GLRA1: variants seen among roughly 807,000 people sequenced by gnomAD.
GLRA1 encodes the protein glycine receptor alpha 1, also known as glycine receptor subunit alpha-1.
A neutral mutation model predicts 48.3 loss-of-function variants in GLRA1; 37 were observed. That is an observed-to-expected ratio of 0.77 (90% CI 0.59 to 1.01). The LOEUF is 1.01. Ranked by LOEUF, GLRA1 falls within the 50% of genes least tolerant of loss-of-function variation. The pLI is 0.00. For missense variants in GLRA1, 427 were observed against 571.0 expected, an observed-to-expected ratio of 0.75 and a Z score of 2.57; for synonymous variants, 196 against 210.7, an observed-to-expected ratio of 0.93 and a Z score of 0.60.
At chr5:151,849,485 TTCC>T (rs1361753002) in intron 7 of GLRA1, among the ~76,000 whole-genome samples, 1 of 76,612 alleles carries the variant, frequency 1.3e-5, no homozygotes, top group East Asian at 4.0e-4. Context: ...CCTTCCTTCC[TTCC>T]TTCCTTTCTT....
intron 8 of GLRA1, among the ~76,000 whole-genome samples, chr5:151,827,046 T>TTTTTTTTG (rs1240708692): frequency 6.6e-6 from 1 of 150,666 alleles, no homozygotes; most frequent in Non-Finnish European, 1.5e-5. Context: ...TTTTTTTTTT[T>TTTTTTTTG]GAGACAAAGT....
intron 2 of GLRA1, among the ~76,000 whole-genome samples, chr5:151,887,940 G>T (rs1431474949): frequency 2.0e-5 from 3 of 152,196 alleles, no homozygotes; most frequent in Non-Finnish European, 4.4e-5. Context: ...ATAGGACTTG[G>T]ATAAATGGTC....
intron 1 of GLRA1, among the ~76,000 whole-genome samples, chr5:151,921,788 T>C (rs890789127): frequency 2.0e-5 from 3 of 152,240 alleles, no homozygotes; most frequent in Non-Finnish European, 4.4e-5. Flanking sequence ...TTTAGGTTAT[T>C]GACTCTCAGA....
intron 1 of GLRA1, among the ~76,000 whole-genome samples, chr5:151,898,209 C>T (rs1754270716): frequency 6.6e-6 from 1 of 151,782 alleles, no homozygotes; most frequent in South Asian, 2.1e-4. Context: ...CTATAATATT[C>T]CTTCTTTTTT....
At chr5:151,907,789 G>A (rs1755574830) in intron 1 of GLRA1, among the ~76,000 whole-genome samples, 1 of 152,226 alleles carries the variant, frequency 6.6e-6, no homozygotes, top group Non-Finnish European at 1.5e-5. Context: ...ATTAGGGAAG[G>A]GATGCTCAGA....
chr5:151,848,919 G>T, intron 7 of GLRA1: 1 of 697,934 alleles, frequency 1.4e-6, no homozygotes, highest in Non-Finnish European at 2.7e-6. Context: ...TTAAACAAAG[G>T]TATTAAGCAG....
intron 3 of GLRA1, among the ~76,000 whole-genome samples, chr5:151,860,824 C>A (rs986345625): frequency 2.0e-5 from 3 of 152,068 alleles, no homozygotes; most frequent in Non-Finnish European, 4.4e-5. Context: ...TGTGCTGCAC[C>A]CATTAACTCG....
chr5:151,833,817 C>CAAAAAAA (rs766149505), intron 7 of GLRA1, among the ~76,000 whole-genome samples: 13 of 79,164 alleles, frequency 1.6e-4, no homozygotes, highest in African/African-American at 3.1e-4. Flanking sequence ...AAAAAAAAAG[C>CAAAAAAA]AGGGGTTGCA....
At chr5:151,877,024 C>T (rs959607628) in intron 3 of GLRA1, among the ~76,000 whole-genome samples, 4 of 152,070 alleles carry the variant, frequency 2.6e-5, no homozygotes, top group East Asian at 1.9e-4. Flanking sequence ...GGAAAAGGGC[C>T]CTCACTAGAG....
At chr5:151,854,210 C>A (rs1174348359) in intron 6 of GLRA1, among the ~76,000 whole-genome samples, 2 of 152,190 alleles carry the variant, frequency 1.3e-5, no homozygotes, top group Admixed American at 1.3e-4. Flanking sequence ...GGTTCTGAAA[C>A]ATCTCTGAGG....
At chr5:151,848,424 T>TGG (rs1260899383) in intron 7 of GLRA1, among the ~76,000 whole-genome samples, 4 of 152,204 alleles carry the variant, frequency 2.6e-5, no homozygotes, top group African/African-American at 9.6e-5. Context: ...TGGAGTGCAG[T>TGG]GGCACCATCT....
intron 1 of GLRA1, among the ~76,000 whole-genome samples, chr5:151,902,480 T>A (rs1173219205): frequency 1.3e-5 from 2 of 152,138 alleles, no homozygotes; most frequent in African/African-American, 2.4e-5. Flanking sequence ...GAAAATACTA[T>A]CTGCCTTTAG....
chr5:151,837,692 C>T (rs943494226), intron 7 of GLRA1, among the ~76,000 whole-genome samples: 3 of 152,162 alleles, frequency 2.0e-5, no homozygotes, highest in Admixed American at 1.3e-4. Flanking sequence ...CCATTATTCT[C>T]GGCAAACTAA....
rs762986466 is a variant in GLRA1 at position 151,859,779 on chromosome 5, A to T, written c.476+6T>A. 7 of 1,591,838 alleles carry T rather than the reference A, an allele frequency of 4.4e-6. No individual in the cohort carries two copies. The highest frequency in any genetic ancestry group is 1.7e-4 in the Middle Eastern group (1 of 6,008). On this transcript the variant is annotated splice_donor_region_variant and intron_variant, in intron 4 of 8. Coordinates refer to ENST00000274576, the MANE Select transcript of GLRA1 (RefSeq NM_000171.4). The stretch of plus-strand genomic sequence containing the variant: ...CAGGGAGTGGGTGAACCTGGTCAGA[A>T]CTCACCTGATGCTGTAGAGGACATT...
At chr5:151,856,183 G>A (rs1014281066) in intron 5 of GLRA1, 118 bp downstream of exon 5, 2 of 707,572 alleles carry the variant, frequency 2.8e-6, no homozygotes, top group East Asian at 5.7e-5. Context: ...AATATTTTGG[G>A]TTATTACAGT....
intron 1 of GLRA1, among the ~76,000 whole-genome samples, chr5:151,903,791 G>T (rs1754416537): frequency 6.6e-6 from 1 of 152,120 alleles, no homozygotes; most frequent in Non-Finnish European, 1.5e-5. Flanking sequence ...TTCCATACAG[G>T]CTTTCTAATC....
In GLRA1 at chr5:151,850,429, G is replaced by A. The variant is rs1752869646; in HGVS notation, c.912+961C>T. On this transcript the variant is annotated intron_variant, in intron 7 of 8. Coordinates refer to ENST00000274576, the MANE Select transcript of GLRA1 (RefSeq NM_000171.4). Reference sequence around the variant, plus strand: ...CCTGGGAACAGGAAGTGTTCAGGCTGCCATACCAACTTCAGCACCAAGGCC... The same window carrying A: ...CCTGGGAACAGGAAGTGTTCAGGCTACCATACCAACTTCAGCACCAAGGCC... 5.1e-6 allele frequency: 6 copies of A among 1,175,970 alleles called. No homozygotes were observed. In the Admixed American group the frequency reaches 1.0e-4, roughly 20 times the overall value. The allele number at this position is 1,175,970 out of a possible 1,614,324, so 72.8% of individuals were successfully genotyped here.
At chr5:151,863,410 G>A (rs1753253591) in intron 3 of GLRA1, among the ~76,000 whole-genome samples, 1 of 152,124 alleles carries the variant, frequency 6.6e-6, no homozygotes, top group Non-Finnish European at 1.5e-5. Context: ...GTGACAGAGT[G>A]AGACCCTGTC....
At chr5:151,833,264 G>A (rs1198994521) in intron 7 of GLRA1, among the ~76,000 whole-genome samples, 2 of 152,094 alleles carry the variant, frequency 1.3e-5, no homozygotes, top group African/African-American at 4.8e-5. Context: ...TAACCAGCTA[G>A]CATCATAATG....
Sources: gnomAD v4.1 joint callset for allele counts (sites outside exome capture counted in the v4.1 genomes callset) on GRCh38, gnomAD v4.1.1 for gene constraint, MANE v1.5 for transcripts, NCBI Gene and HGNC (gene_info 2026-07-23, HGNC 2026-07-21) for gene names.